DPH6: variants seen among roughly 807,000 people sequenced by gnomAD.
DPH6 encodes diphthamine biosynthesis 6.
Under a neutral mutation model 38.2 loss-of-function variants are expected in DPH6, and 33 were observed. The ratio of observed to expected loss-of-function variants is 0.86; its 90% CI spans 0.65 to 1.15. DPH6 has a LOEUF of 1.15. Ranked by LOEUF, DPH6 falls within the 50% of genes most tolerant of loss-of-function variation. The pLI, the probability that DPH6 is intolerant of heterozygous loss-of-function variation, is 0.00. For synonymous variants in DPH6, 108 were observed against 103.0 expected, an observed-to-expected ratio of 1.05 and a Z score of -0.30; for missense variants, 325 against 320.0, an observed-to-expected ratio of 1.02 and a Z score of -0.12.
At chr15:35,203,172 G>A in the DPH6 span, among the ~76,000 whole-genome samples, 40 of 151,718 alleles carry the variant, frequency 2.6e-4, no homozygotes, top group Middle Eastern at 0.01. Context: ...CTTATTTTCT[G>A]TAGGTAAACA....
intron 6 of DPH6, among the ~76,000 whole-genome samples, chr15:35,386,130 G>C (rs1246862623): frequency 6.6e-6 from 1 of 152,086 alleles, no homozygotes; most frequent in African/African-American, 2.4e-5. Context: ...AGTTTGCTGA[G>C]AATGATGGTT....
intron 3 of DPH6, among the ~76,000 whole-genome samples, chr15:35,459,616 G>A (rs1044598188): frequency 2.0e-5 from 3 of 152,060 alleles, no homozygotes; most frequent in Admixed American, 6.6e-5. Flanking sequence ...TTGAAGCCAC[G>A]GGAGCAAACA....
chr15:35,281,160 T>C (rs1384549394), intron 3 of DPH6, among the ~76,000 whole-genome samples: 1 of 152,084 alleles, frequency 6.6e-6, no homozygotes, highest in African/African-American at 2.4e-5. Flanking sequence ...TGTCCTTTAC[T>C]ACCACTTCAC....
chr15:35,425,793 A>G (rs1260988728), intron 5 of DPH6, among the ~76,000 whole-genome samples: 1 of 142,122 alleles, frequency 7.0e-6, no homozygotes, highest in Admixed American at 7.2e-5. Context: ...TATATCATAT[A>G]TATATATATG....
At chr15:35,275,726 AAAT>A (rs547014638) in intron 3 of DPH6, among the ~76,000 whole-genome samples, 2 of 151,920 alleles carry the variant, frequency 1.3e-5, no homozygotes, top group Non-Finnish European at 2.9e-5. Flanking sequence ...AAAAAAAAAA[AAAT>A]AATAATATTA....
chr15:35,385,482 C>T (rs1018867193), intron 6 of DPH6, among the ~76,000 whole-genome samples: 3 of 152,206 alleles, frequency 2.0e-5, no homozygotes, highest in African/African-American at 7.2e-5. Context: ...ATGGATGAAG[C>T]TGGAAACCAT....
At chr15:35,444,198 G>A (rs1333140173) in intron 5 of DPH6, among the ~76,000 whole-genome samples, 3 of 152,078 alleles carry the variant, frequency 2.0e-5, no homozygotes, top group African/African-American at 4.8e-5. Flanking sequence ...CAATAAATTC[G>A]GGATTCCATT....
At chr15:35,339,075 CTAATG>C (rs1259668979) in intron 3 of DPH6, among the ~76,000 whole-genome samples, 1 of 152,020 alleles carries the variant, frequency 6.6e-6, no homozygotes, top group Non-Finnish European at 1.5e-5. Context: ...GGAGATACAC[CTAATG>C]TAAATGACGA....
intron 6 of DPH6, among the ~76,000 whole-genome samples, chr15:35,395,348 T>C (rs1311753666): frequency 1.3e-5 from 2 of 152,210 alleles, no homozygotes; most frequent in African/African-American, 2.4e-5. Context: ...TCCTAATCCA[T>C]GAATACTGCT....
At chr15:35,544,534 C>A (rs2055314443) in intron 1 of DPH6, among the ~76,000 whole-genome samples, 1 of 151,988 alleles carries the variant, frequency 6.6e-6, no homozygotes, top group Admixed American at 6.6e-5. Flanking sequence ...AAATAATCTT[C>A]TTAGAAAGAT....
chr15:35,192,770 T>C, the DPH6 span, among the ~76,000 whole-genome samples: 3 of 152,240 alleles, frequency 2.0e-5, no homozygotes, highest in Non-Finnish European at 4.4e-5. Flanking sequence ...CACCATACAA[T>C]TTGTATGCAT....
At chr15:35,291,333 A>G (rs889410434) in intron 3 of DPH6, among the ~76,000 whole-genome samples, 3 of 152,134 alleles carry the variant, frequency 2.0e-5, no homozygotes, top group East Asian at 3.9e-4. Flanking sequence ...AAACTACATG[A>G]GAATGGGATA....
intron 5 of DPH6, among the ~76,000 whole-genome samples, chr15:35,429,219 A>C (rs571497330): frequency 6.6e-6 from 1 of 152,188 alleles, no homozygotes; most frequent in Admixed American, 6.5e-5. Context: ...TACCACAGAC[A>C]CATATTAAGC....
intron 3 of DPH6, among the ~76,000 whole-genome samples, chr15:35,321,637 T>C (rs2052241333): frequency 6.6e-6 from 1 of 152,194 alleles, no homozygotes; most frequent in South Asian, 2.1e-4. Flanking sequence ...ATTTGTGCTC[T>C]TTTCTCTGTG....
At chr15:35,488,370 G>A (rs1440469718) in intron 3 of DPH6, among the ~76,000 whole-genome samples, 2 of 152,124 alleles carry the variant, frequency 1.3e-5, no homozygotes, top group Non-Finnish European at 2.9e-5. Context: ...AACTACATAA[G>A]ACATGGTAAT....
At chr15:35,309,670 C>G (rs1595471392) in intron 3 of DPH6, among the ~76,000 whole-genome samples, 1 of 152,306 alleles carries the variant, frequency 6.6e-6, no homozygotes, top group Non-Finnish European at 1.5e-5. Flanking sequence ...CCAATCATTT[C>G]TTTGATGAAA....
At chr15:35,263,557 G>A (rs1440408452) in intron 3 of DPH6, among the ~76,000 whole-genome samples, 3 of 150,434 alleles carry the variant, frequency 2.0e-5, no homozygotes, top group Non-Finnish European at 3.0e-5. Flanking sequence ...CATCCACCAC[G>A]TCACTTGTCT....
At chr15:35,364,370 G>A (rs1277674627) in intron 3 of DPH6, among the ~76,000 whole-genome samples, 3 of 151,868 alleles carry the variant, frequency 2.0e-5, no homozygotes, top group Non-Finnish European at 4.4e-5. Flanking sequence ...TTCCCAGTAA[G>A]TTGCAGACAT....
At chr15:35,169,916 A>C in the DPH6 span, among the ~76,000 whole-genome samples, 1 of 152,222 alleles carries the variant, frequency 6.6e-6, no homozygotes, top group Non-Finnish European at 1.5e-5. Flanking sequence ...GAAATATCTG[A>C]TGTAGGAAAT....
Sources: gnomAD v4.1 joint callset for allele counts (sites outside exome capture counted in the v4.1 genomes callset) on GRCh38, gnomAD v4.1.1 for gene constraint, MANE v1.5 for transcripts, NCBI Gene and HGNC (gene_info 2026-07-23, HGNC 2026-07-21) for gene names.